UBQLN1: variants seen among roughly 807,000 people sequenced by gnomAD.
The protein encoded by UBQLN1 is ubiquilin-1.
Under a neutral mutation model 65.4 loss-of-function variants are expected in UBQLN1, and 13 were observed. The observed-to-expected ratio is 0.20, with a 90% CI of 0.13 to 0.32. The LOEUF (loss-of-function observed/expected upper bound fraction) is 0.32, where lower values mean the gene tolerates loss of function less well. Among genes scored for constraint, UBQLN1 ranks in the 10% least tolerant of loss-of-function variants. The pLI, the probability that UBQLN1 is intolerant of heterozygous loss-of-function variation, is 1.00. For missense variants in UBQLN1, 561 were observed against 724.0 expected (o/e 0.77, Z 2.58); for synonymous variants, 267 against 247.8 (o/e 1.08, Z -0.73).
chr9:83,704,552 C>G (rs1161854057), intron 1 of UBQLN1, among the ~76,000 whole-genome samples: 3 of 152,164 alleles, frequency 2.0e-5, no homozygotes, highest in Non-Finnish European at 4.4e-5. Flanking sequence ...GGGCCGGGTG[C>G]CCGGTGGTTC....
intron 7 of UBQLN1, 39 bp from the exon 8 acceptor site, chr9:83,666,472 T>C (rs769204636): frequency 1.9e-6 from 3 of 1,596,984 alleles, no homozygotes; most frequent in South Asian, 2.2e-5. Context: ...ACTGGAAATA[T>C]CTGAAACAAG....
At chr9:83,700,859 T>C (rs1034751188) in intron 1 of UBQLN1, among the ~76,000 whole-genome samples, 1 of 152,190 alleles carries the variant, frequency 6.6e-6, no homozygotes, top group Non-Finnish European at 1.5e-5. Flanking sequence ...CTCCATTATA[T>C]ATTCTAAGAC....
At chr9:83,662,552 A>C (rs996222000) in intron 10 of UBQLN1, among the ~76,000 whole-genome samples, 1 of 152,192 alleles carries the variant, frequency 6.6e-6, no homozygotes, top group African/African-American at 2.4e-5. Flanking sequence ...AGTTAAAAAA[A>C]AAAATCTCCA....
chr9:83,661,749 A>G lies in UBQLN1; in HGVS notation c.*38T>C. 6.4e-7 allele frequency: 1 copy of G among 1,567,188 alleles called. No individual in the cohort carries two copies. Among genetic ancestry groups the G allele is most frequent in the Non-Finnish European group, 8.6e-7 (1 of 1,157,810 alleles). ...ATTTTAAAGTTTAAGAGCCGTTATC[A>G]AAAATAAATTACATTTTTTCAAGAT... On this transcript the variant is annotated 3_prime_UTR_variant, in exon 11 of 11. Transcript: ENST00000376395.
rs1375419911 is a variant in UBQLN1 at position 83,680,007 on chromosome 9, C to T, written c.479G>A (p.Ser160Asn). The T allele has an allele frequency of 1.2e-6, 2 of 1,613,746 alleles. No homozygotes were observed. The highest frequency in any genetic ancestry group is 1.7e-6 in the Non-Finnish European group (2 of 1,179,798). ...GAAGTTGGTAGTATTCAAACCCAAGCTACTCAGACCTGCAAGTCCCCCAAG... is the reference window on the plus strand; with the variant it reads ...GAAGTTGGTAGTATTCAAACCCAAGTTACTCAGACCTGCAAGTCCCCCAAG... ...GGLGGLAGLS[S>N]LGLNTTNFSE... Residue 160 changes from serine to asparagine, a missense_variant, in exon 4 of 11, where the codon AGC (serine) becomes AAC (asparagine). Around this residue, in one of 8 missense-constraint regions of UBQLN1, gnomAD observed 87 missense variants for 88.8 expected, o/e 0.98. Transcript: ENST00000376395.
chr9:83,692,735 C>T (rs1308845938), intron 1 of UBQLN1, among the ~76,000 whole-genome samples: 1 of 152,060 alleles, frequency 6.6e-6, no homozygotes, highest in East Asian at 1.9e-4. Context: ...GCCTGTAATC[C>T]CAGCTACTTG....
At chr9:83,699,761 C>T (rs1317646327) in intron 1 of UBQLN1, among the ~76,000 whole-genome samples, 4 of 152,176 alleles carry the variant, frequency 2.6e-5, no homozygotes, top group Admixed American at 2.0e-4. Context: ...CTTTCTGTTA[C>T]GGGCTAGACA....
intron 6 of UBQLN1, among the ~76,000 whole-genome samples, chr9:83,675,465 C>A (rs572273656): frequency 1.2e-3 from 157 of 133,794 alleles, no homozygotes; most frequent in African/African-American, 4.1e-3. Flanking sequence ...CTTCCTATGC[C>A]GTCAAAAAAA....
intron 8 of UBQLN1, 192 bp from the exon 9 acceptor site, chr9:83,665,337 A>G: frequency 2.2e-6 from 1 of 451,072 alleles, no homozygotes; most frequent in Non-Finnish European, 3.9e-6. Flanking sequence ...GCAAATTATT[A>G]CTTGACCTCC....
chr9:83,706,040 T>G (rs371734056), intron 1 of UBQLN1, among the ~76,000 whole-genome samples: 5 of 152,138 alleles, frequency 3.3e-5, no homozygotes, highest in East Asian at 1.9e-4. Flanking sequence ...TATATCTTGA[T>G]AAGAGCTTGG....
chr9:83,686,076 T>G lies in UBQLN1; in HGVS notation c.260A>C (p.Asp87Ala), dbSNP rs1189825412. ...VLIFAGKILK[D>A]QDTLSQHGIH... ...TCCATGCTGACTCAAGGTATCTTGA[T>G]CTTTCAAAATTTTTCCAGCAAATAT... The change falls in exon 2 of 11, where the codon GAT becomes GCT. Residue 87 changes from aspartate (D) to alanine (A), a missense_variant. Physicochemically the swap from Asp to Ala is moderately radical, Grantham distance 126 (BLOSUM62 -2). Transcript: ENST00000376395. The G allele has an allele frequency of 3.1e-6, 5 of 1,603,300 alleles. No homozygotes were observed. The highest frequency in any genetic ancestry group is 4.2e-6 in the Non-Finnish European group (5 of 1,177,304).
Position 83,660,513 on chromosome 9 carries a change from A to G in UBQLN1, c.*1274T>C, listed in dbSNP as rs1211293450. ...GGAGGGAAGAAAAAGGCTATAAAACAGCCAAATGTACTCAACATCATTAAA... is the reference window on the plus strand; with the variant it reads ...GGAGGGAAGAAAAAGGCTATAAAACGGCCAAATGTACTCAACATCATTAAA... On this transcript the variant is annotated 3_prime_UTR_variant, in exon 11 of 11. Transcript: ENST00000376395. The G allele has an allele frequency of 2.6e-5, 4 of 152,598 alleles. No individual in the cohort carries two copies. The highest frequency in any genetic ancestry group is 2.6e-4 in the Admixed American group (4 of 15,276). 9.5% of individuals were successfully genotyped at this position (152,598 alleles called of 1,614,324 possible). A position where few individuals can be genotyped will look rare whatever the true frequency, so the allele number is the denominator to read the frequency against.
rs1221991311 is a variant in UBQLN1, at chr9:83,660,287, G to A, written c.*1500C>T. 2 of 152,558 alleles carry A rather than the reference G, an allele frequency of 1.3e-5. No homozygotes were observed. The highest frequency in any genetic ancestry group is 4.8e-5 in the African/African-American group (2 of 41,432). The allele number at this position is 152,558 out of a possible 1,614,324, so 9.5% of individuals were successfully genotyped here. ...AATGCAATCAACTTGTATTTCCCTT[G>A]ATTTTATTGGTCTGAATTCATTTTA... is the stretch of plus-strand genomic sequence containing the variant. On this transcript the variant is annotated 3_prime_UTR_variant, in exon 11 of 11. Transcript: ENST00000376395.
intron 6 of UBQLN1, among the ~76,000 whole-genome samples, chr9:83,676,756 T>C (rs1246902298): frequency 6.6e-6 from 1 of 152,190 alleles, no homozygotes; most frequent in East Asian, 1.9e-4. Context: ...CAGGCATCTT[T>C]TAAAACATGC....
Position 83,707,545 on chromosome 9 carries a change from C to T in UBQLN1, c.135G>A (p.Lys45=). The part of the protein sequence containing the change: ...KIMKVTVKTP[K]EKEEFAVPEN... ...CGGGCACGGCGAATTCCTCCTTTTCCTTCGGGGTCTTCACGGTGACTTTCA... is the reference window on the plus strand; with the variant it reads ...CGGGCACGGCGAATTCCTCCTTTTCTTTCGGGGTCTTCACGGTGACTTTCA... The change falls in exon 1 of 11, where the codon AAG becomes AAA. Residue 45 remains lysine (K), a synonymous_variant. Coordinates refer to ENST00000376395, the MANE Select transcript of UBQLN1 (RefSeq NM_013438.5). The T allele has an allele frequency of 6.2e-7, 1 of 1,611,536 alleles. No homozygotes were observed. Among genetic ancestry groups the T allele is most frequent in the South Asian group, 1.1e-5 (1 of 90,914 alleles).
chr9:83,662,875 G>C (rs1417386056), intron 10 of UBQLN1, among the ~76,000 whole-genome samples: 1 of 152,166 alleles, frequency 6.6e-6, no homozygotes, highest in Admixed American at 6.5e-5. Flanking sequence ...AGGAGTTTGA[G>C]ACCAACCTGG....
intron 4 of UBQLN1, among the ~76,000 whole-genome samples, chr9:83,679,344 G>A (rs577883233): frequency 6.6e-6 from 1 of 152,268 alleles, no homozygotes; most frequent in East Asian, 1.9e-4. Flanking sequence ...ATAAAATGAG[G>A]TGTTGTCTGA....
intron 9 of UBQLN1, 36 bp downstream of exon 9, chr9:83,664,994 T>C (rs1831621153): frequency 7.5e-7 from 1 of 1,342,008 alleles, no homozygotes; most frequent in Non-Finnish European, 1.0e-6. Flanking sequence ...AAAGTAACCA[T>C]TATACACTTT....
chr9:83,698,241 A>G (rs913057512), intron 1 of UBQLN1, among the ~76,000 whole-genome samples: 1 of 152,174 alleles, frequency 6.6e-6, no homozygotes, highest in Non-Finnish European at 1.5e-5. Flanking sequence ...GGAAGAGACA[A>G]TACAAACTGG....
Sources: allele counts gnomAD v4.1 joint callset (sites outside exome capture counted in the v4.1 genomes callset), GRCh38; gene constraint gnomAD v4.1.1; regional missense constraint gnomAD v4.1.1; transcripts MANE v1.5; gene names NCBI Gene and HGNC (gene_info 2026-07-23, HGNC 2026-07-21).